The following A1CF variants were observed in gnomAD, a reference collection of about 807,000 sequenced individuals.
A1CF encodes APOBEC-1 stimulating protein.
A neutral mutation model predicts 68.9 loss-of-function variants in A1CF; 48 were observed. The ratio of observed to expected loss-of-function variants is 0.70; its 90% CI spans 0.55 to 0.89. The LOEUF (loss-of-function observed/expected upper bound fraction) is 0.89. A1CF is among the 40% of genes least tolerant of loss of function. The pLI is 0.00. For synonymous variants in A1CF, 272 were observed against 260.4 expected, an observed-to-expected ratio of 1.04 and a Z score of -0.43; for missense variants, 653 against 718.9, an observed-to-expected ratio of 0.91 and a Z score of 1.05.
chr10:50,823,314 A>G (rs1838763263), intron 7 of A1CF, among the ~76,000 whole-genome samples: 1 of 152,146 alleles, frequency 6.6e-6, no homozygotes, highest in Non-Finnish European at 1.5e-5. Context: ...AGTTTGTTTA[A>G]TAATTGATCC....
chr10:50,845,058 CG>C (rs1839937076), intron 3 of A1CF, among the ~76,000 whole-genome samples: 1 of 152,032 alleles, frequency 6.6e-6, no homozygotes, highest in African/African-American at 2.4e-5. Flanking sequence ...ATTCATACCA[CG>C]TTTTTTAAAA....
intron 3 of A1CF, among the ~76,000 whole-genome samples, chr10:50,845,934 A>G (rs1458570633): frequency 6.6e-6 from 1 of 150,378 alleles, no homozygotes; most frequent in Non-Finnish European, 1.5e-5. Context: ...CACCTGGGTG[A>G]TAGAGCAAGA....
intron 8 of A1CF, among the ~76,000 whole-genome samples, chr10:50,819,037 C>T (rs1288739419): frequency 7.2e-5 from 11 of 152,138 alleles, no homozygotes; most frequent in African/African-American, 1.4e-4. Flanking sequence ...ACAGTGAATT[C>T]GGGGCATTTA....
At position 50,820,606 on chromosome 10, in the gene A1CF, CA is replaced by C. The variant is rs1838604354; in HGVS notation, c.812del (p.Val271GlyfsTer13). On this transcript the variant is annotated frameshift_variant, in exon 8 of 13. Transcript: ENST00000373997. LOFTEE classifies it high-confidence loss of function. ...RVKKIRDYAF[V>X]HFSNREDAVE... ...CTGCATCTTCTCGGTTACTGAAGTGCACAAAAGCATAGTCTCGAATTTTCTT... is the reference window on the plus strand; with the variant it reads ...CTGCATCTTCTCGGTTACTGAAGTGCCAAAAGCATAGTCTCGAATTTTCTT... The C allele has an allele frequency of 6.2e-7, 1 of 1,613,444 alleles. No individual in the cohort carries two copies. The highest frequency in any genetic ancestry group is 1.7e-5 in the Admixed American group (1 of 59,932).
chr10:50,811,254 C>CT, intron 10 of A1CF, 78 bp from the exon 11 acceptor site: 1 of 1,434,440 alleles, frequency 7.0e-7, no homozygotes, highest in Non-Finnish European at 9.4e-7. Context: ...TTTTTAAACT[C>CT]TAATTTTCAG....
intron 6 of A1CF, among the ~76,000 whole-genome samples, chr10:50,832,126 A>C (rs774557365): frequency 7.9e-5 from 12 of 152,234 alleles, no homozygotes; most frequent in Non-Finnish European, 1.5e-4. Flanking sequence ...ATGTTTATTG[A>C]AGCATTATTC....
intron 1 of A1CF, among the ~76,000 whole-genome samples, chr10:50,882,690 A>C (rs1479728476): frequency 6.6e-6 from 1 of 152,086 alleles, no homozygotes; most frequent in African/African-American, 2.4e-5. Flanking sequence ...ACTTTGCAGG[A>C]GCCTGGTTAC....
intron 5 of A1CF, among the ~76,000 whole-genome samples, chr10:50,838,406 C>A (rs1257460530): frequency 6.6e-6 from 1 of 152,000 alleles, no homozygotes; most frequent in Admixed American, 6.6e-5. Flanking sequence ...AAGAAAACAC[C>A]AAAACCTTGT....
chr10:50,821,091 A>G (rs1331311308), intron 7 of A1CF, among the ~76,000 whole-genome samples: 1 of 152,208 alleles, frequency 6.6e-6, no homozygotes, highest in East Asian at 1.9e-4. Flanking sequence ...ACTTTAAATT[A>G]CTTTTAAAAA....
intron 3 of A1CF, chr10:50,850,690 A>G: frequency 6.2e-7 from 1 of 1,614,062 alleles, no homozygotes; most frequent in Non-Finnish European, 8.5e-7. Flanking sequence ...TTGCAAAATG[A>G]TGGACTGCAA....
At chr10:50,865,434 GA>G (rs1204316986) in intron 1 of A1CF, among the ~76,000 whole-genome samples, 2 of 151,936 alleles carry the variant, frequency 1.3e-5, no homozygotes, top group Non-Finnish European at 1.5e-5. Context: ...ATGGTTTCTG[GA>G]ATTTAATAAC....
At chr10:50,807,374 G>T (rs933996273) in intron 12 of A1CF, among the ~76,000 whole-genome samples, 1 of 152,166 alleles carries the variant, frequency 6.6e-6, no homozygotes, top group African/African-American at 2.4e-5. Context: ...AAGAAGATGT[G>T]TAAAGACTGG....
intron 3 of A1CF, among the ~76,000 whole-genome samples, chr10:50,858,522 CTTATA>C (rs1209516227): frequency 6.6e-6 from 1 of 151,920 alleles, no homozygotes; most frequent in Non-Finnish European, 1.5e-5. Flanking sequence ...ATATTTCTAT[CTTATA>C]TTATGGGTCA....
intron 7 of A1CF, chr10:50,824,645 G>T (rs1838835743): frequency 6.6e-6 from 1 of 152,152 alleles, no homozygotes; most frequent in Non-Finnish European, 1.5e-5. Flanking sequence ...CACAGTGCCT[G>T]GCATGTAGGA....
chr10:50,820,290 A>G (rs999590589), intron 8 of A1CF, among the ~76,000 whole-genome samples: 1 of 152,196 alleles, frequency 6.6e-6, no homozygotes, highest in Non-Finnish European at 1.5e-5. Context: ...ATCTACTTAA[A>G]TCTCCTCTTT....
At chr10:50,809,807 C>G (rs1050724483) in intron 12 of A1CF, 87 bp downstream of exon 12, 83 of 1,566,158 alleles carry the variant, frequency 5.3e-5, no homozygotes, top group Admixed American at 3.4e-4. Flanking sequence ...GTAGGGTACA[C>G]AAACATTTCT....
intron 5 of A1CF, among the ~76,000 whole-genome samples, chr10:50,840,637 A>G (rs1839731695): frequency 6.6e-6 from 1 of 152,200 alleles, no homozygotes; most frequent in Non-Finnish European, 1.5e-5. Flanking sequence ...AAAGTCAATT[A>G]CATGGGACTC....
At chr10:50,850,591 T>G in intron 3 of A1CF, 1 of 1,534,530 alleles carries the variant, frequency 6.5e-7, no homozygotes, top group Non-Finnish European at 8.9e-7. Context: ...ACAAAAAGCA[T>G]TTGTGTGTGT....
At chr10:50,843,078 AGCACAT>A (rs1257131489) in intron 4 of A1CF, among the ~76,000 whole-genome samples, 1 of 152,220 alleles carries the variant, frequency 6.6e-6, no homozygotes, top group African/African-American at 2.4e-5. Flanking sequence ...AGTGCCATTA[AGCACAT>A]GCCATTTGTG....
Sources: gnomAD v4.1 joint callset for allele counts (sites outside exome capture counted in the v4.1 genomes callset) on GRCh38, gnomAD v4.1.1 for gene constraint, MANE v1.5 for transcripts, NCBI Gene and HGNC (gene_info 2026-07-23, HGNC 2026-07-21) for gene names.